ZNF148: variants seen among roughly 807,000 people sequenced by gnomAD.
The protein encoded by ZNF148 is Beta-Enolase Repressor Factor-1.
Under a neutral mutation model 67.7 loss-of-function variants are expected in ZNF148, and 7 were observed. The observed-to-expected ratio is 0.10, with a 90% CI of 0.06 to 0.19. The LOEUF is 0.19. Among genes scored for constraint, ZNF148 ranks in the 10% least tolerant of loss-of-function variants. The probability of loss-of-function intolerance (pLI) is 1.00; values close to 1 mark genes in which losing one functional copy is unlikely to be tolerated. For synonymous variants in ZNF148, 333 were observed against 330.7 expected (o/e 1.01, Z -0.08); for missense variants, 583 against 947.1 (o/e 0.62, Z 5.05).
intron 1 of ZNF148, among the ~76,000 whole-genome samples, chr3:125,348,668 A>C (rs1414594445): frequency 6.6e-6 from 1 of 152,182 alleles, no homozygotes; most frequent in Admixed American, 6.6e-5. Context: ...TAAAATGTCC[A>C]TACTACTCAC....
intron 1 of ZNF148, chr3:125,344,746 C>A (rs1430627005): frequency 3.7e-6 from 2 of 534,886 alleles, no homozygotes; most frequent in South Asian, 1.7e-5. Context: ...TTTTTAATAT[C>A]CTTGGGTGAG....
rs148684512 is a variant in ZNF148, at chr3:125,273,159, C to G, written c.667+4567G>C. On this transcript the variant is annotated intron_variant, in intron 7 of 8. Coordinates refer to ENST00000360647, the MANE Select transcript of ZNF148 (RefSeq NM_021964.3). The stretch of plus-strand genomic sequence containing the variant: ...ATATAAAGGGTTAAGCTAAGTTAGT[C>G]AAGAGTAAATCAACATTCTCTCTAA... Among the ~76,000 whole-genome samples, 37 of 152,262 alleles carry G rather than the reference C, an allele frequency of 2.4e-4. No homozygotes were observed. The East Asian group carries it at 7.1e-3, about 29-fold the overall frequency.
At chr3:125,263,095 G>A (rs1393500155) in intron 7 of ZNF148, among the ~76,000 whole-genome samples, 2 of 152,054 alleles carry the variant, frequency 1.3e-5, no homozygotes, top group African/African-American at 2.4e-5. Flanking sequence ...AAAACATCTT[G>A]ACATTTAAGT....
chr3:125,242,522 G>A (rs1208949194), intron 7 of ZNF148, among the ~76,000 whole-genome samples: 1 of 152,194 alleles, frequency 6.6e-6, no homozygotes, highest in African/African-American at 2.4e-5. Context: ...TTGGGAGGCT[G>A]AAGCAGGAGA....
At chr3:125,337,071 G>A (rs1368177489) in intron 1 of ZNF148, among the ~76,000 whole-genome samples, 1 of 151,276 alleles carries the variant, frequency 6.6e-6, no homozygotes, top group Admixed American at 6.6e-5. Flanking sequence ...AATTAGTGTG[G>A]TTACTGCACT....
chr3:125,359,931 C>G (rs1942484965), intron 1 of ZNF148, among the ~76,000 whole-genome samples: 1 of 152,248 alleles, frequency 6.6e-6, no homozygotes, highest in African/African-American at 2.4e-5. Context: ...GCTAAGTGCA[C>G]CGCCAGCACA....
intron 4 of ZNF148, among the ~76,000 whole-genome samples, chr3:125,295,473 T>G (rs532178438): frequency 6.8e-6 from 1 of 148,058 alleles, no homozygotes; most frequent in African/African-American, 2.5e-5. Context: ...AAAGACAAAA[T>G]GCCAAGAATA....
At chr3:125,374,232 G>A (rs1305311861) in intron 1 of ZNF148, among the ~76,000 whole-genome samples, 1 of 152,082 alleles carries the variant, frequency 6.6e-6, no homozygotes, top group African/African-American at 2.4e-5. Flanking sequence ...CTTACCAGAT[G>A]TCATCTACTG....
At chr3:125,332,415 A>G (rs908305265) in intron 1 of ZNF148, among the ~76,000 whole-genome samples, 1 of 152,216 alleles carries the variant, frequency 6.6e-6, no homozygotes, top group Admixed American at 6.5e-5. Context: ...CTATAAAACT[A>G]TACTACTGTT....
At chr3:125,321,092 A>T (rs1940751388) in intron 3 of ZNF148, among the ~76,000 whole-genome samples, 1 of 152,192 alleles carries the variant, frequency 6.6e-6, no homozygotes. Flanking sequence ...CTTATTAATA[A>T]AACAAAATCT....
chr3:125,339,765 C>T (rs1184010673), intron 1 of ZNF148, among the ~76,000 whole-genome samples: 1 of 152,128 alleles, frequency 6.6e-6, no homozygotes, highest in African/African-American at 2.4e-5. Context: ...TCATGTACCC[C>T]ATAAACATAT....
chr3:125,352,240 C>T (rs1942179823), intron 1 of ZNF148, among the ~76,000 whole-genome samples: 1 of 151,804 alleles, frequency 6.6e-6, no homozygotes, highest in South Asian at 2.1e-4. Context: ...GAACTGCTGA[C>T]ACATGCTACA....
intron 6 of ZNF148, among the ~76,000 whole-genome samples, chr3:125,278,527 A>T (rs1560135194): frequency 6.6e-6 from 1 of 151,930 alleles, no homozygotes; most frequent in Non-Finnish European, 1.5e-5. Flanking sequence ...TATTCCAAAG[A>T]TTTTTTCTTG....
chr3:125,293,645 A>C (rs1460410997), intron 4 of ZNF148, among the ~76,000 whole-genome samples: 1 of 152,254 alleles, frequency 6.6e-6, no homozygotes, highest in Non-Finnish European at 1.5e-5. Flanking sequence ...ATGGAATCTG[A>C]GCAAGAACGT....
chr3:125,266,493 A>C (rs987042611), intron 7 of ZNF148, among the ~76,000 whole-genome samples: 2 of 152,224 alleles, frequency 1.3e-5, no homozygotes, highest in Non-Finnish European at 2.9e-5. Flanking sequence ...CAATGAAATC[A>C]AGGCAGAAAT....
At chr3:125,316,452 C>T (rs974571698) in intron 3 of ZNF148, among the ~76,000 whole-genome samples, 1 of 152,220 alleles carries the variant, frequency 6.6e-6, no homozygotes, top group African/African-American at 2.4e-5. Context: ...TACTAATTTA[C>T]ATTCCCACCA....
chr3:125,341,498 G>A (rs768791082), intron 1 of ZNF148, among the ~76,000 whole-genome samples: 2 of 152,066 alleles, frequency 1.3e-5, no homozygotes, highest in Non-Finnish European at 2.9e-5. Context: ...GCACACACCT[G>A]TAGTCCCAGC....
chr3:125,351,474 C>T (rs1055193128), intron 1 of ZNF148, among the ~76,000 whole-genome samples: 2 of 147,036 alleles, frequency 1.4e-5, no homozygotes, highest in African/African-American at 5.1e-5. Context: ...ATCTGCTGTA[C>T]AACATTGTGC....
chr3:125,229,785 T>C lies in ZNF148; in HGVS notation c.*2556A>G, dbSNP rs1935778680. The C allele has an allele frequency of 6.6e-6, 1 of 152,220 alleles. No individual in the cohort carries two copies. Among genetic ancestry groups the C allele is most frequent in the Admixed American group, 6.5e-5 (1 of 15,276 alleles). The allele number at this position is 152,220 out of a possible 1,614,324, so 9.4% of individuals were successfully genotyped here. A position where few individuals can be genotyped will look rare whatever the true frequency, so the allele number is the denominator to read the frequency against. ...CTTATTTTCTCCATTAATGCCCAGA[T>C]AGAAATTAAATAACCTTCTGAACCA... On this transcript the variant is annotated 3_prime_UTR_variant, in exon 9 of 9. Coordinates refer to ENST00000360647, the MANE Select transcript of ZNF148 (RefSeq NM_021964.3).
Sources: gnomAD v4.1 joint callset for allele counts (sites outside exome capture counted in the v4.1 genomes callset) on GRCh38, gnomAD v4.1.1 for gene constraint, MANE v1.5 for transcripts, NCBI Gene and HGNC (gene_info 2026-07-23, HGNC 2026-07-21) for gene names.